The following CTDSP2 variants were observed in gnomAD, a reference collection of about 807,000 sequenced individuals.
The protein encoded by CTDSP2 is CTD small phosphatase 2.
Under a neutral mutation model 31.6 loss-of-function variants are expected in CTDSP2, and 9 were observed. The observed-to-expected ratio is 0.28, with a 90% confidence interval of 0.17 to 0.50. The LOEUF is 0.50. Ranked by LOEUF, CTDSP2 falls within the 20% of genes least tolerant of loss-of-function variation. The pLI, the probability that CTDSP2 is intolerant of heterozygous loss-of-function variation, is 0.98. For missense variants in CTDSP2, 267 were observed against 348.5 expected (o/e 0.77, Z 1.86); for synonymous variants, 134 against 134.5 (o/e 1.00, Z 0.03).
intron 3 of CTDSP2, 60 bp from the exon 4 acceptor site, chr12:57,827,157 G>C (rs1397115783): frequency 5.7e-6 from 7 of 1,218,182 alleles, no homozygotes; most frequent in Non-Finnish European, 8.4e-6. Flanking sequence ...GTACCCCTTG[G>C]CATAATTATG....
Position 57,840,751 on chromosome 12 carries a change from G to C in CTDSP2, c.64+5621C>G, listed in dbSNP as rs117285756. Among the ~76,000 whole-genome samples, 33 of 151,878 alleles carry C rather than the reference G, an allele frequency of 2.2e-4. No individual in the cohort carries two copies. The East Asian group carries it at 6.2e-3, about 29-fold the overall frequency. On this transcript the variant is annotated intron_variant, in intron 1 of 7. Transcript: ENST00000398073. ...TAAAAAGAGAGTAAGAGCAAAGTCT[G>C]ATTTGGGGGGATGGGGGTGGGGGAA...
At chr12:57,839,680 C>T (rs1284305632) in intron 1 of CTDSP2, among the ~76,000 whole-genome samples, 3 of 152,010 alleles carry the variant, frequency 2.0e-5, no homozygotes, top group South Asian at 2.1e-4. Flanking sequence ...ATCGAGATCG[C>T]GCCACTGCAC....
chr12:57,823,588 GGAAGCAGGGCA>G lies in CTDSP2; in HGVS notation c.*3_*13del. Reference sequence around the variant, plus strand: ...TCCCCTACTGGGATGGCCGTCGCTTGGAAGCAGGGCAGGCTAAGGGGCCCGCAGCTGCCCAA... The same window carrying G: ...TCCCCTACTGGGATGGCCGTCGCTTGGGCTAAGGGGCCCGCAGCTGCCCAA... On this transcript the variant is annotated 3_prime_UTR_variant, in exon 8 of 8. Transcript: ENST00000398073. The G allele has an allele frequency of 1.2e-6, 2 of 1,613,370 alleles. No individual in the cohort carries two copies.
chr12:57,838,926 A>G (rs1162420054), intron 1 of CTDSP2, among the ~76,000 whole-genome samples: 2 of 152,224 alleles, frequency 1.3e-5, no homozygotes, highest in Non-Finnish European at 2.9e-5. Context: ...TCTCCATCTC[A>G]AAATGTTCAC....
chr12:57,846,419 A>G lies in CTDSP2; in HGVS notation c.17T>C (p.Ile6Thr). 6.2e-7 allele frequency: 1 copy of G among 1,606,416 alleles called. No homozygotes were observed. Among genetic ancestry groups the G allele is most frequent in the Non-Finnish European group, 8.5e-7 (1 of 1,176,830 alleles). ...GTCTTCCCTCCGCGCCTGGGTGATG[A>G]TGGAGCCGTGTTCCATCTAACAATC... MEHGS[I>T]ITQARREDAL... Residue 6 changes from isoleucine (I) to threonine (T), a missense_variant, in exon 1 of 8, where the codon ATC becomes ACC. By Grantham distance (89) the Ile-to-Thr change is moderately conservative. Coordinates refer to ENST00000398073, the MANE Select transcript of CTDSP2 (RefSeq NM_005730.4).
intron 5 of CTDSP2, 56 bp downstream of exon 5, chr12:57,826,290 G>C (rs752002222): frequency 1.3e-6 from 2 of 1,534,268 alleles, no homozygotes; most frequent in Non-Finnish European, 9.0e-7. Context: ...GTACAGGTGA[G>C]GCAGAAGGCA....
chr12:57,821,781 G>A lies in CTDSP2; in HGVS notation c.*1821C>T, dbSNP rs1956146787. ...GATGCTGGCGGAAATGGCCACATGA[G>A]TTCTGGGGACTCTGTTCCACTTTAT... On this transcript the variant is annotated 3_prime_UTR_variant, in exon 8 of 8. Transcript: ENST00000398073. The A allele has an allele frequency of 1.3e-5, 2 of 152,276 alleles. No individual in the cohort carries two copies. Among genetic ancestry groups the A allele is most frequent in the South Asian group, 2.1e-4 (1 of 4,836 alleles). 9.4% of individuals were successfully genotyped at this position (152,276 alleles called of 1,614,324 possible).
At chr12:57,841,312 C>T (rs2140484787) in intron 1 of CTDSP2, among the ~76,000 whole-genome samples, 1 of 152,312 alleles carries the variant, frequency 6.6e-6, no homozygotes, top group East Asian at 1.9e-4. Flanking sequence ...AGCTTAAGAA[C>T]ATCTATTTCT....
rs945354084 is a variant in CTDSP2 at position 57,827,228 on chromosome 12, G to T, written c.253-131C>A. 13 of 679,564 alleles carry T rather than the reference G, an allele frequency of 1.9e-5. No homozygotes were observed. The African/African-American group carries it at 2.1e-4, about 11-fold the overall frequency. 42.1% of individuals were successfully genotyped at this position (679,564 alleles called of 1,614,324 possible). On this transcript the variant is annotated intron_variant, in intron 3 of 7. Transcript: ENST00000398073. The stretch of plus-strand genomic sequence containing the variant: ...AACCCAGGATAGGCACCACTTAAAG[G>T]CCAGGAAGAAAGGAGGTGGAGTTGT...
chr12:57,841,360 A>G (rs1280158592), intron 1 of CTDSP2, among the ~76,000 whole-genome samples: 1 of 152,210 alleles, frequency 6.6e-6, no homozygotes, highest in Non-Finnish European at 1.5e-5. Context: ...TCTTATTAAA[A>G]TTACCTAAAA....
At chr12:57,838,833 G>T (rs1956263681) in intron 1 of CTDSP2, among the ~76,000 whole-genome samples, 1 of 152,180 alleles carries the variant, frequency 6.6e-6, no homozygotes, top group African/African-American at 2.4e-5. Context: ...GGGAGCTCAG[G>T]GAGTGTCCTG....
chr12:57,830,394 A>G (rs985257585), intron 1 of CTDSP2, among the ~76,000 whole-genome samples: 10 of 152,092 alleles, frequency 6.6e-5, no homozygotes, highest in Non-Finnish European at 1.0e-4. Context: ...CAAAAAAACA[A>G]CAACAAAAAC....
intron 1 of CTDSP2, among the ~76,000 whole-genome samples, chr12:57,830,293 G>A (rs1023095345): frequency 3.3e-5 from 5 of 152,162 alleles, no homozygotes; most frequent in African/African-American, 9.7e-5. Flanking sequence ...GCTGAGGCAG[G>A]AGAATGGCGT....
chr12:57,824,958 T>A (rs1956173863), intron 5 of CTDSP2, among the ~76,000 whole-genome samples: 1 of 152,226 alleles, frequency 6.6e-6, no homozygotes, highest in Non-Finnish European at 1.5e-5. Flanking sequence ...ATTGCTTCCA[T>A]GACTCTAGCC....
At chr12:57,833,372 C>A (rs1467411858) in intron 1 of CTDSP2, among the ~76,000 whole-genome samples, 1 of 152,190 alleles carries the variant, frequency 6.6e-6, no homozygotes, top group South Asian at 2.1e-4. Context: ...AATGCCTTGA[C>A]CTTGGGGGCA....
At chr12:57,838,427 C>A (rs1400278398) in intron 1 of CTDSP2, among the ~76,000 whole-genome samples, 1 of 152,230 alleles carries the variant, frequency 6.6e-6, no homozygotes, top group East Asian at 1.9e-4. Flanking sequence ...AGTTACCCCT[C>A]CTTCCCCCTA....
chr12:57,827,476 C>T lies in CTDSP2; in HGVS notation c.252+76G>A. 2.0e-6 allele frequency: 3 copies of T among 1,524,948 alleles called. No homozygotes were observed. The South Asian group carries it at 3.4e-5, about 17-fold the overall frequency. 94.5% of individuals were successfully genotyped at this position (1,524,948 alleles called of 1,614,324 possible). A position where few individuals can be genotyped will look rare whatever the true frequency, so the allele number is the denominator to read the frequency against. ...CTGGCTAGGCACCAAGGACTATGCACATCACCCTGCCCGTGGAGCTGGCAG... is the reference window on the plus strand; with the variant it reads ...CTGGCTAGGCACCAAGGACTATGCATATCACCCTGCCCGTGGAGCTGGCAG... On this transcript the variant is annotated intron_variant, in intron 3 of 7. Coordinates refer to ENST00000398073, the MANE Select transcript of CTDSP2 (RefSeq NM_005730.4).
In CTDSP2 at chr12:57,846,476, G is replaced by A. The variant is rs537169993; in HGVS notation, c.-41C>T. The A allele has an allele frequency of 6.6e-7, 1 of 1,526,476 alleles. No homozygotes were observed. Among genetic ancestry groups the A allele is most frequent in the African/African-American group, 1.4e-5 (1 of 70,334 alleles). 94.6% of individuals were successfully genotyped at this position (1,526,476 alleles called of 1,614,324 possible). Reference sequence around the variant, plus strand: ...GCCCGGGCTGGCTGGGCGGGAGGACGGGCGGGCGCGCGGGCTGGGCTGGGC... The same window carrying A: ...GCCCGGGCTGGCTGGGCGGGAGGACAGGCGGGCGCGCGGGCTGGGCTGGGC... On this transcript the variant is annotated 5_prime_UTR_variant, in exon 1 of 8. Transcript: ENST00000398073.
At chr12:57,836,419 G>C (rs376958987) in intron 1 of CTDSP2, among the ~76,000 whole-genome samples, 4 of 152,146 alleles carry the variant, frequency 2.6e-5, no homozygotes, top group Non-Finnish European at 5.9e-5. Flanking sequence ...CAGCACTTTG[G>C]GAAGCTGGGC....
Sources: gnomAD v4.1 joint callset for allele counts (sites outside exome capture counted in the v4.1 genomes callset) on GRCh38, gnomAD v4.1.1 for gene constraint, MANE v1.5 for transcripts, NCBI Gene and HGNC (gene_info 2026-07-23, HGNC 2026-07-21) for gene names.